The following AMZ1 variants were observed in gnomAD, a reference collection of about 807,000 sequenced individuals.
The protein encoded by AMZ1 is archaemetzincin-1.
AMZ1 carries 39 observed loss-of-function variants against 29.9 expected under a neutral mutation model. The observed-to-expected ratio is 1.30, with a 90% CI of 1.01 to 1.70. AMZ1 has a LOEUF of 1.70. AMZ1 is among the 40% of genes most tolerant of loss of function. AMZ1 has a pLI of 0.00. For missense variants in AMZ1, 1,041 were observed against 680.6 expected (o/e 1.53, Z -5.89); for synonymous variants, 458 against 304.0 (o/e 1.51, Z -5.27).
At chr7:2,705,582 C>T (rs1024521615) in intron 3 of AMZ1, among the ~76,000 whole-genome samples, 5 of 152,212 alleles carry the variant, frequency 3.3e-5, no homozygotes, top group African/African-American at 1.2e-4. Flanking sequence ...TTATCATTCA[C>T]TCTGCCTGTC....
chr7:2,737,263 A>AGTTTTGTTTT lies in AMZ1; in HGVS notation n.551-27443_551-27434dup, dbSNP rs569069278. Among the ~76,000 whole-genome samples the AGTTTTGTTTT allele has an allele frequency of 3.2e-3, 254 of 79,542 alleles. 2 individuals carry two copies. The highest frequency in any genetic ancestry group is 0.01 in the African/African-American group (240 of 23,574). 52.2% of individuals were successfully genotyped at this position (79,542 alleles called of 152,430 possible). A position where few individuals can be genotyped will look rare whatever the true frequency, so the allele number is the denominator to read the frequency against. On this transcript the variant is annotated intron_variant and non_coding_transcript_variant, in intron 4 of 4. Coordinates refer to the AMZ1 transcript ENST00000489665. ...TCTGCCCATTCAGGAGCTATCTCAC[A>AGTTTTGTTTT]GTTTTGTTTTGTTTTTTTTTTTTTT...
At position 2,716,260 on chromosome 7, in the gene AMZ1, A is replaced by C. The variant is rs1210963908; in HGVS notation, c.*3382A>C. The C allele has an allele frequency of 6.6e-6, 1 of 152,228 alleles. No homozygotes were observed. The highest frequency in any genetic ancestry group is 2.1e-4 in the South Asian group (1 of 4,832). 9.4% of individuals were successfully genotyped at this position (152,228 alleles called of 1,614,324 possible). A position where few individuals can be genotyped will look rare whatever the true frequency, so the allele number is the denominator to read the frequency against. On this transcript the variant is annotated 3_prime_UTR_variant, in exon 7 of 7. Coordinates refer to ENST00000683327, the MANE Select transcript of AMZ1 (RefSeq NM_001384743.1). ...CAAATCTCTCTTCAGGCAGCCCCGC[A>C]GTCCTCTTCCGAAATCTCATTCTTT... is the stretch of plus-strand genomic sequence containing the variant.
intron 4 of AMZ1, chr7:2,729,819 G>A (rs547903462): frequency 6.6e-6 from 1 of 152,542 alleles, no homozygotes; most frequent in Non-Finnish European, 1.5e-5. Flanking sequence ...GATACACAGA[G>A]GGGACCAGCT....
intron 2 of AMZ1, 105 bp downstream of exon 2, chr7:2,700,860 GA>G: frequency 2.1e-6 from 3 of 1,441,152 alleles, no homozygotes; most frequent in Non-Finnish European, 2.8e-6. Context: ...TGAAATGAGG[GA>G]AGAGGGTCCT....
At chr7:2,762,795 G>A (rs1791626489), upstream of AMZ1, 1 of 1,537,238 alleles carries the variant, frequency 6.5e-7, no homozygotes, top group Non-Finnish European at 8.8e-7. Flanking sequence ...AAGGGAGGAG[G>A]AGCACTCAGG....
At chr7:2,709,869 C>T (rs949716575) in intron 6 of AMZ1, 53 bp downstream of exon 6, 126 of 1,590,814 alleles carry the variant, frequency 7.9e-5, no homozygotes, top group East Asian at 1.4e-4. Flanking sequence ...TCCGGAGGCC[C>T]GCGAGCGCCG....
downstream of AMZ1, among the ~76,000 whole-genome samples, chr7:2,723,955 G>A (rs771603869): frequency 1.1e-4 from 17 of 152,170 alleles, no homozygotes; most frequent in Non-Finnish European, 1.9e-4. Flanking sequence ...TGCCCAGGCT[G>A]GAGTGCAGTG....
At chr7:2,697,678 G>T (rs568492097) in intron 1 of AMZ1, among the ~76,000 whole-genome samples, 22 of 152,180 alleles carry the variant, frequency 1.4e-4, no homozygotes, top group Non-Finnish European at 2.9e-4. Flanking sequence ...ACCCGCCTCA[G>T]CCTCCTGAAG....
At chr7:2,760,729 T>G (rs1043316257), upstream of AMZ1, among the ~76,000 whole-genome samples, 3 of 152,228 alleles carry the variant, frequency 2.0e-5, no homozygotes, top group African/African-American at 7.2e-5. Flanking sequence ...CAGAGCTAAG[T>G]TTAGCTACGA....
chr7:2,724,053 C>T (rs1789528167), downstream of AMZ1, among the ~76,000 whole-genome samples: 1 of 151,166 alleles, frequency 6.6e-6, no homozygotes, highest in Admixed American at 6.6e-5. Flanking sequence ...TTACAGGCGC[C>T]TGCCACCACA....
chr7:2,750,883 T>C (rs1255636889), intron 4 of AMZ1, among the ~76,000 whole-genome samples: 1 of 152,070 alleles, frequency 6.6e-6, no homozygotes, highest in East Asian at 1.9e-4. Flanking sequence ...AACTGATTAA[T>C]ATGAGGGTGC....
rs745875941 is a variant in AMZ1, at chr7:2,731,430, G to T, written n.550+21614G>T. 3.1e-6 allele frequency: 5 copies of T among 1,613,436 alleles called. No homozygotes were observed. The highest frequency in any genetic ancestry group is 4.2e-6 in the Non-Finnish European group (5 of 1,179,574). Reference sequence around the variant, plus strand: ...CGGTCTTCACCTTCTCCACCAGGAGGTCCATCTTGTTGAGGAAGAGAATGA... The same window carrying T: ...CGGTCTTCACCTTCTCCACCAGGAGTTCCATCTTGTTGAGGAAGAGAATGA... On this transcript the variant is annotated intron_variant and non_coding_transcript_variant, in intron 4 of 4. Coordinates refer to the AMZ1 transcript ENST00000489665. The surrounding 1 kb of genome is among the most constrained non-coding windows in gnomAD (Gnocchi z 6.0).
chr7:2,692,664 G>A (rs1057091549), intron 1 of AMZ1, among the ~76,000 whole-genome samples: 1 of 152,116 alleles, frequency 6.6e-6, no homozygotes, highest in African/African-American at 2.4e-5. Context: ...AGGAGTCCCC[G>A]AGGGGACTCT....
chr7:2,704,002 C>T (rs1408427204), intron 3 of AMZ1, among the ~76,000 whole-genome samples: 1 of 152,206 alleles, frequency 6.6e-6, no homozygotes, highest in Non-Finnish European at 1.5e-5. Context: ...CATTCTCCTG[C>T]CTCAGCCTCC....
At chr7:2,756,021 AAAG>A (rs1437028897) in intron 4 of AMZ1, among the ~76,000 whole-genome samples, 3 of 152,240 alleles carry the variant, frequency 2.0e-5, no homozygotes, top group Non-Finnish European at 4.4e-5. Context: ...ACCATTTTAT[AAAG>A]AAGAACAACG....
intron 1 of AMZ1, among the ~76,000 whole-genome samples, chr7:2,690,221 G>GAC (rs1562356138): frequency 2.6e-5 from 4 of 152,004 alleles, no homozygotes; most frequent in Admixed American, 1.3e-4. Flanking sequence ...GAGAGAGAGA[G>GAC]AGACAGACAG....
intron 4 of AMZ1, among the ~76,000 whole-genome samples, chr7:2,742,139 A>G (rs1172324503): frequency 6.6e-6 from 1 of 151,990 alleles, no homozygotes; most frequent in Non-Finnish European, 1.5e-5. Flanking sequence ...CTCCTGCCTC[A>G]GCCACCCGAG....
intron 3 of AMZ1, among the ~76,000 whole-genome samples, 159 bp from the exon 4 acceptor site, chr7:2,708,427 CTG>C (rs1788500890): frequency 6.6e-6 from 1 of 152,194 alleles, no homozygotes; most frequent in Non-Finnish European, 1.5e-5. Context: ...TCATGCAGTA[CTG>C]TGTGCCCTCA....
intron 4 of AMZ1, among the ~76,000 whole-genome samples, chr7:2,738,109 C>G (rs554790855): frequency 6.6e-6 from 1 of 152,160 alleles, no homozygotes; most frequent in South Asian, 2.1e-4. Flanking sequence ...TTGTTTGTTG[C>G]TAATTTATCA....
Sources: allele counts gnomAD v4.1 joint callset (sites outside exome capture counted in the v4.1 genomes callset), GRCh38; gene constraint gnomAD v4.1.1; non-coding constraint Gnocchi (gnomAD v3.1); transcripts MANE v1.5; gene names NCBI Gene and HGNC (gene_info 2026-07-23, HGNC 2026-07-21).